Variants in PRMT8 observed in about 807,000 individuals in gnomAD.
The protein encoded by PRMT8 is protein arginine methyltransferase 8, also known as protein arginine N-methyltransferase 8.
In PRMT8, 7 loss-of-function variants were observed where a neutral mutation model predicts 47.1. The observed-to-expected ratio is 0.15, with a 90% confidence interval of 0.08 to 0.28. PRMT8 has a LOEUF of 0.28. Among genes scored for constraint, PRMT8 ranks in the 10% least tolerant of loss-of-function variants. The pLI, the probability that PRMT8 is intolerant of heterozygous loss-of-function variation, is 1.00. For synonymous variants in PRMT8, 188 were observed against 186.5 expected (o/e 1.01, Z -0.07); for missense variants, 237 against 505.4 (o/e 0.47, Z 5.09).
At chr12:3,505,235 C>A (rs1470718952) in intron 1 of PRMT8, among the ~76,000 whole-genome samples, 1 of 152,150 alleles carries the variant, frequency 6.6e-6, no homozygotes. Context: ...CTCCCCAAGA[C>A]CCTATTTTTA....
chr12:3,523,784 C>G (rs1192733957), intron 1 of PRMT8, among the ~76,000 whole-genome samples: 16 of 152,248 alleles, frequency 1.1e-4, no homozygotes, highest in African/African-American at 3.9e-4. Flanking sequence ...CTTACAAAAG[C>G]CTATCATTGC....
chr12:3,520,661 G>T (rs1042751771), intron 1 of PRMT8, among the ~76,000 whole-genome samples: 2 of 152,186 alleles, frequency 1.3e-5, no homozygotes, highest in African/African-American at 4.8e-5. Context: ...CAATAACTAT[G>T]CTGTCATCAA....
chr12:3,511,179 T>C (rs1215641474), intron 1 of PRMT8, among the ~76,000 whole-genome samples: 1 of 152,190 alleles, frequency 6.6e-6, no homozygotes, highest in East Asian at 1.9e-4. Flanking sequence ...GCCTCCAGGG[T>C]AGCTCCATGC....
upstream of PRMT8, among the ~76,000 whole-genome samples, chr12:3,486,953 G>A (rs1194855370): frequency 3.3e-5 from 5 of 152,182 alleles, no homozygotes; most frequent in African/African-American, 4.8e-5. Context: ...GGCACTCAGC[G>A]AGTTGTTCTT....
Position 3,397,578 on chromosome 12 carries a change from C to A in PRMT8, c.48+16136C>A, listed in dbSNP as rs571153220. On this transcript the variant is annotated intron_variant, in intron 1 of 9. Coordinates refer to the PRMT8 transcript ENST00000452611. The stretch of plus-strand genomic sequence containing the variant: ...AGGCAGTCTGCCCGTTCTCAGATCT[C>A]CAGCTGCGTGCTGGGAGAACCACTG... Among the ~76,000 whole-genome samples, 1,097 of 151,790 alleles carry A rather than the reference C, an allele frequency of 7.2e-3. 7 individuals carry two copies. Among genetic ancestry groups the A allele is most frequent in the Non-Finnish European group, 0.011 (749 of 67,924 alleles).
chr12:3,556,781 T>A (rs903613691), intron 4 of PRMT8, among the ~76,000 whole-genome samples: 3 of 151,966 alleles, frequency 2.0e-5, no homozygotes, highest in African/African-American at 7.3e-5. Flanking sequence ...GCAAAGACCT[T>A]GAGAAGGTAA....
At chr12:3,433,479 AT>A (rs1184818134) in intron 1 of PRMT8, among the ~76,000 whole-genome samples, 1 of 151,478 alleles carries the variant, frequency 6.6e-6, no homozygotes, top group Non-Finnish European at 1.5e-5. Flanking sequence ...CTACTGTCTC[AT>A]TTTATATATC....
At chr12:3,543,268 T>A (rs372676705) in intron 2 of PRMT8, among the ~76,000 whole-genome samples, 1 of 152,196 alleles carries the variant, frequency 6.6e-6, no homozygotes, top group Non-Finnish European at 1.5e-5. Context: ...TTTACCCTGT[T>A]TTCAGTTTCC....
Position 3,421,494 on chromosome 12 carries a change from C to T in PRMT8, c.48+40052C>T, listed in dbSNP as rs181343371. 1.2e-4 allele frequency among the ~76,000 whole-genome samples: 19 copies of T among 152,270 alleles called. No individual in the cohort carries two copies. The East Asian group carries it at 2.7e-3, about 22-fold the overall frequency. On this transcript the variant is annotated intron_variant, in intron 1 of 9. Transcript: ENST00000452611. Reference sequence around the variant, plus strand: ...GGTCCTCAGGAGCTGGTGCCAGGACCGGTGGGAGACTGGGCTCCAGCCATC... The same window carrying T: ...GGTCCTCAGGAGCTGGTGCCAGGACTGGTGGGAGACTGGGCTCCAGCCATC...
intron 6 of PRMT8, among the ~76,000 whole-genome samples, chr12:3,573,488 C>A (rs569976434): frequency 6.6e-6 from 1 of 152,214 alleles, no homozygotes; most frequent in Admixed American, 6.5e-5. Context: ...GGTTCTATGA[C>A]TTTTTTCTTA....
chr12:3,465,335 T>C (rs1338566702), intron 1 of PRMT8, among the ~76,000 whole-genome samples: 1 of 148,792 alleles, frequency 6.7e-6, no homozygotes, highest in Non-Finnish European at 1.5e-5. Context: ...AAAAATAAAA[T>C]AAACCCGACT....
intron 1 of PRMT8, among the ~76,000 whole-genome samples, chr12:3,477,067 G>A (rs890776916): frequency 6.6e-6 from 1 of 152,338 alleles, no homozygotes; most frequent in Non-Finnish European, 1.5e-5. Flanking sequence ...ATGGGAATGA[G>A]GAGAAGCTTA....
intron 1 of PRMT8, among the ~76,000 whole-genome samples, chr12:3,531,881 G>A (rs942927579): frequency 1.3e-5 from 2 of 152,210 alleles, no homozygotes; most frequent in Non-Finnish European, 2.9e-5. Flanking sequence ...TTGGCTCTGA[G>A]ATGGCAGCAC....
rs1212903629 is a variant in PRMT8, at chr12:3,557,887, C to T, written c.481+4173C>T. ...TGGTCCTGAGTCTCATCCCTGAGCC[C>T]TGAGAGGCTTCCAAACAGCACCTAG... is the stretch of plus-strand genomic sequence containing the variant. On this transcript the variant is annotated intron_variant, in intron 4 of 9. Transcript: ENST00000382622. The surrounding 1 kb of genome is among the most constrained non-coding windows in gnomAD (Gnocchi z 4.7). Among the ~76,000 whole-genome samples the T allele has an allele frequency of 2.0e-5, 3 of 152,086 alleles. No individual in the cohort carries two copies. Among genetic ancestry groups the T allele is most frequent in the Non-Finnish European group, 4.4e-5 (3 of 68,012 alleles).
Position 3,590,871 on chromosome 12 carries a change from G to A in PRMT8, c.980-1360G>A, listed in dbSNP as rs192853073. 8.1e-4 allele frequency among the ~76,000 whole-genome samples: 124 copies of A among 152,228 alleles called. 1 individual carries two copies. Among genetic ancestry groups the A allele is most frequent in the African/African-American group, 2.8e-3 (115 of 41,538 alleles). The stretch of plus-strand genomic sequence containing the variant: ...TCTACCAAGCACAGAGGCAGGCACC[G>A]AGGAAGCAAGGCTGGCCCGGTCCCT... On this transcript the variant is annotated intron_variant, in intron 8 of 9. Coordinates refer to ENST00000382622, the MANE Select transcript of PRMT8 (RefSeq NM_019854.5).
At chr12:3,464,328 C>A (rs534090926) in intron 1 of PRMT8, among the ~76,000 whole-genome samples, 3 of 151,048 alleles carry the variant, frequency 2.0e-5, no homozygotes, top group African/African-American at 7.3e-5. Context: ...TTCACCTCAA[C>A]TCCTAACGTG....
chr12:3,454,704 C>G (rs777835612), intron 1 of PRMT8, among the ~76,000 whole-genome samples: 4 of 152,116 alleles, frequency 2.6e-5, no homozygotes, highest in African/African-American at 7.2e-5. Context: ...GAAACCAAAC[C>G]CAGCTTGCAG....
intron 1 of PRMT8, among the ~76,000 whole-genome samples, chr12:3,390,224 C>T (rs1445186561): frequency 6.6e-6 from 1 of 152,254 alleles, no homozygotes; most frequent in Middle Eastern, 3.2e-3. Context: ...GGGATTTAAA[C>T]TAAGCCTGAA....
At chr12:3,445,182 TC>T (rs1311727035) in intron 1 of PRMT8, among the ~76,000 whole-genome samples, 3 of 152,324 alleles carry the variant, frequency 2.0e-5, no homozygotes, top group South Asian at 4.1e-4. Flanking sequence ...TCATGGGTTC[TC>T]CTCATTGTCG....
Sources: allele counts gnomAD v4.1 joint callset (sites outside exome capture counted in the v4.1 genomes callset), GRCh38; gene constraint gnomAD v4.1.1; non-coding constraint Gnocchi (gnomAD v3.1); transcripts MANE v1.5; gene names NCBI Gene and HGNC (gene_info 2026-07-23, HGNC 2026-07-21).